Variants in PCDHA3 observed in about 807,000 individuals in gnomAD.
The protein encoded by PCDHA3 is protocadherin alpha 3.
PCDHA3 carries 41 observed loss-of-function variants against 62.2 expected under a neutral mutation model. The observed-to-expected ratio is 0.66, with a 90% CI of 0.51 to 0.86. PCDHA3 has a LOEUF of 0.86. PCDHA3 is among the 40% of genes least tolerant of loss of function. The probability of loss-of-function intolerance (pLI) is 0.00; values close to 1 mark genes in which losing one functional copy is unlikely to be tolerated. For missense variants in PCDHA3, 1,304 were observed against 1,241.2 expected (o/e 1.05, Z -0.76); for synonymous variants, 640 against 555.4 (o/e 1.15, Z -2.14).
At chr5:140,882,677 A>C (rs782476966) in intron 1 of PCDHA3, 1 of 1,614,214 alleles carries the variant, frequency 6.2e-7, no homozygotes. Context: ...CCCTGAAAGC[A>C]AGAAACGAAT....
At chr5:140,945,393 T>G (rs2153669728) in intron 1 of PCDHA3, among the ~76,000 whole-genome samples, 1 of 152,208 alleles carries the variant, frequency 6.6e-6, no homozygotes, top group East Asian at 1.9e-4. Flanking sequence ...AATATACAAA[T>G]TCAATACAAT....
intron 1 of PCDHA3, among the ~76,000 whole-genome samples, chr5:140,872,716 A>G (rs1309493361): frequency 6.6e-6 from 1 of 152,266 alleles, no homozygotes; most frequent in Non-Finnish European, 1.5e-5. Context: ...AACTAGGTAA[A>G]TAAAATTATT....
chr5:141,003,291 G>C (rs1402781511), intron 3 of PCDHA3, among the ~76,000 whole-genome samples: 1 of 152,158 alleles, frequency 6.6e-6, no homozygotes, highest in Non-Finnish European at 1.5e-5. Flanking sequence ...TGGATTATAG[G>C]ATTACATGAA....
In PCDHA3 at chr5:140,851,551, T is replaced by C; in HGVS notation, c.2394+47960T>C. Reference sequence around the variant, plus strand: ...GACAATGTAGATAATTCAAGAAATGTTGACTGAAATTTTGTCTACACTTAG... The same window carrying C: ...GACAATGTAGATAATTCAAGAAATGCTGACTGAAATTTTGTCTACACTTAG... On this transcript the variant is annotated intron_variant, in intron 1 of 3. Coordinates refer to ENST00000522353, the MANE Select transcript of PCDHA3 (RefSeq NM_018906.3). The C allele has an allele frequency of 5.5e-6, 5 of 908,010 alleles. No individual in the cohort carries two copies. In the South Asian group the frequency reaches 2.0e-4, roughly 36 times the overall value. The allele number at this position is 908,010 out of a possible 1,614,324, so 56.2% of individuals were successfully genotyped here. A position where few individuals can be genotyped will look rare whatever the true frequency, so the allele number is the denominator to read the frequency against.
At chr5:140,871,265 G>A (rs2052892595) in intron 1 of PCDHA3, 8 of 1,613,978 alleles carry the variant, frequency 5.0e-6, no homozygotes, top group Non-Finnish European at 6.8e-6. Flanking sequence ...ACGGCGCTGT[G>A]GTGGTCGGCA....
chr5:140,809,653 A>T lies in PCDHA3; in HGVS notation c.2394+6062A>T, dbSNP rs1315085871. 5 of 1,493,784 alleles carry T rather than the reference A, an allele frequency of 3.3e-6. No homozygotes were observed. The African/African-American group carries it at 5.6e-5, about 17-fold the overall frequency. The allele number at this position is 1,493,784 out of a possible 1,614,324, so 92.5% of individuals were successfully genotyped here. On this transcript the variant is annotated intron_variant, in intron 1 of 3. Transcript: ENST00000522353. Reference sequence around the variant, plus strand: ...CTTCGTAAATTTATTTCTAAGAGTCAAATTTCCCTGGGTTAAAATTTTACC... The same window carrying T: ...CTTCGTAAATTTATTTCTAAGAGTCTAATTTCCCTGGGTTAAAATTTTACC...
intron 3 of PCDHA3, among the ~76,000 whole-genome samples, chr5:140,987,400 C>T (rs1554249169): frequency 1.3e-5 from 2 of 152,090 alleles, no homozygotes; most frequent in Middle Eastern, 3.2e-3. Context: ...AGGAAGCCAT[C>T]TGTTTATGGT....
chr5:140,858,188 C>T, intron 1 of PCDHA3: 1 of 1,597,268 alleles, frequency 6.3e-7, no homozygotes, highest in Non-Finnish European at 8.6e-7. Context: ...GCTCACGCTG[C>T]TGCTGTACAC....
intron 1 of PCDHA3, among the ~76,000 whole-genome samples, chr5:140,914,496 C>A (rs782459538): frequency 1.2e-4 from 19 of 152,136 alleles, no homozygotes; most frequent in Non-Finnish European, 4.4e-5. Context: ...TTGTGGGCAA[C>A]AGATCATTGG....
intron 1 of PCDHA3, chr5:140,928,757 G>A (rs372744198): frequency 6.2e-7 from 1 of 1,613,974 alleles, no homozygotes; most frequent in African/African-American, 1.3e-5. Flanking sequence ...CGTACTGCTC[G>A]CTTAGTTCTT....
intron 1 of PCDHA3, chr5:140,822,093 G>A: frequency 6.2e-7 from 1 of 1,614,262 alleles, no homozygotes; most frequent in South Asian, 1.1e-5. Flanking sequence ...TCCACCTGGA[G>A]GTGATCGTGG....
chr5:140,884,821 G>A, intron 1 of PCDHA3: 2 of 1,011,756 alleles, frequency 2.0e-6, no homozygotes, highest in South Asian at 2.2e-5. Flanking sequence ...TGGACATTAT[G>A]TGTTGGATTA....
chr5:140,802,579 CG>C lies in PCDHA3; in HGVS notation c.1384del (p.Val462CysfsTer3), dbSNP rs1168536006. Reference protein sequence around the residue: ...NAPAFSQSEYTVFVKENNPPG... With the variant: ...NAPAFSQSEYXVFVKENNPPG... ...CCGGCATTCTCGCAGTCCGAGTACACGGTGTTCGTGAAGGAGAACAACCCGC... is the reference window on the plus strand; with the variant it reads ...CCGGCATTCTCGCAGTCCGAGTACACGTGTTCGTGAAGGAGAACAACCCGC... On this transcript the variant is annotated frameshift_variant, in exon 1 of 4. Coordinates refer to ENST00000522353, the MANE Select transcript of PCDHA3 (RefSeq NM_018906.3). LOFTEE classifies it high-confidence loss of function. 1 of 1,613,788 alleles carries C rather than the reference CG, an allele frequency of 6.2e-7. No individual in the cohort carries two copies. The highest frequency in any genetic ancestry group is 1.7e-5 in the Admixed American group (1 of 59,994).
chr5:140,878,006 C>T (rs251378), intron 1 of PCDHA3: 602,670 of 913,772 alleles, frequency 0.66, 200,442 homozygotes, highest in African/African-American at 0.71. Flanking sequence ...ATTTGTCTAA[C>T]ATTAATGAAG....
At chr5:140,871,204 A>G in intron 1 of PCDHA3, 1 of 1,613,764 alleles carries the variant, frequency 6.2e-7, no homozygotes, top group Non-Finnish European at 8.5e-7. Context: ...GTACCTGATC[A>G]TCGCCATCTG....
intron 1 of PCDHA3, chr5:140,821,777 T>C: frequency 4.4e-6 from 7 of 1,606,206 alleles, no homozygotes; most frequent in Non-Finnish European, 6.0e-6. Context: ...GAGATTGAGA[T>C]GGTATATTCC....
At chr5:140,888,700 T>C (rs534278841) in intron 1 of PCDHA3, among the ~76,000 whole-genome samples, 2 of 152,274 alleles carry the variant, frequency 1.3e-5, no homozygotes, top group Non-Finnish European at 2.9e-5. Flanking sequence ...CTCTGATTGG[T>C]AGGAATGTGA....
At chr5:140,863,396 G>C (rs782335492) in intron 1 of PCDHA3, 1 of 872,572 alleles carries the variant, frequency 1.1e-6, no homozygotes, top group Non-Finnish European at 1.8e-6. Context: ...TGCATGCCGG[G>C]CAAGCCCACG....
intron 1 of PCDHA3, chr5:140,814,859 T>C (rs2126659570): frequency 1.3e-5 from 2 of 152,334 alleles, no homozygotes; most frequent in Admixed American, 6.5e-5. Context: ...CTCATATATT[T>C]AGGTGTTTTA....
Sources: gnomAD v4.1 joint callset for allele counts (sites outside exome capture counted in the v4.1 genomes callset) on GRCh38, gnomAD v4.1.1 for gene constraint, MANE v1.5 for transcripts, NCBI Gene and HGNC (gene_info 2026-07-23, HGNC 2026-07-21) for gene names.